The following LAMA2 variants were observed in gnomAD, a reference collection of about 807,000 sequenced individuals.
LAMA2 encodes laminin subunit alpha-2.
Under a neutral mutation model 364.8 loss-of-function variants are expected in LAMA2, and 269 were observed. The observed-to-expected ratio is 0.74, with a 90% CI of 0.67 to 0.82. The LOEUF (loss-of-function observed/expected upper bound fraction) is 0.82. LAMA2 is among the 40% of genes least tolerant of loss of function. The probability of loss-of-function intolerance (pLI) is 0.00; values close to 1 mark genes in which losing one functional copy is unlikely to be tolerated. For missense variants in LAMA2, 3,807 were observed against 3,873.2 expected (o/e 0.98, Z 0.45); for synonymous variants, 1,379 against 1,370.6 (o/e 1.01, Z -0.14).
At chr6:129,339,743 G>A (rs985260605) in intron 29 of LAMA2, among the ~76,000 whole-genome samples, 5 of 152,154 alleles carry the variant, frequency 3.3e-5, no homozygotes, top group East Asian at 1.9e-4. Context: ...GGCAGCTCCC[G>A]CCTGTAATCC....
rs546381872 is a variant in LAMA2 at position 128,957,747 on chromosome 6, T to G, written c.112+74390T>G. On this transcript the variant is annotated intron_variant, in intron 1 of 64. Transcript: ENST00000421865. Reference sequence around the variant, plus strand: ...AGTTGTCTCGAAGAGCAGTTTACACTCAGTAGTGACCAGGTCCTTGAGAGC... The same window carrying G: ...AGTTGTCTCGAAGAGCAGTTTACACGCAGTAGTGACCAGGTCCTTGAGAGC... Among the ~76,000 whole-genome samples, 353 of 152,040 alleles carry G rather than the reference T, an allele frequency of 2.3e-3. 1 individual carries two copies. The highest frequency in any genetic ancestry group is 8.1e-3 in the African/African-American group (338 of 41,504).
Position 129,342,423 on chromosome 6 carries a change from T to C in LAMA2, c.4392T>C (p.Asn1464=). 1 of 1,613,576 alleles carries C rather than the reference T, an allele frequency of 6.2e-7. No individual in the cohort carries two copies. Among genetic ancestry groups the C allele is most frequent in the South Asian group, 1.1e-5 (1 of 91,078 alleles). Residue 1464 remains asparagine, a synonymous_variant, in exon 30 of 65, where the codon AAT becomes AAC. Coordinates refer to ENST00000421865, the MANE Select transcript of LAMA2 (RefSeq NM_000426.4). ...GYYGIVKGLP[N]DCQQCACPLI... is the part of the protein sequence containing the mutation. ...ATGGAATTGTCAAGGGATTGCCAAA[T>C]GACTGTCAGCAATGTGCCTGCCCTC...
At chr6:129,007,965 A>C (rs1454517286) in intron 1 of LAMA2, among the ~76,000 whole-genome samples, 1 of 152,206 alleles carries the variant, frequency 6.6e-6, no homozygotes, top group East Asian at 1.9e-4. Context: ...ACACTGACAC[A>C]AATTGTCAGA....
intron 12 of LAMA2, among the ~76,000 whole-genome samples, chr6:129,238,912 T>C (rs1452985888): frequency 6.6e-6 from 1 of 152,150 alleles, no homozygotes; most frequent in Non-Finnish European, 1.5e-5. Context: ...TTTTGTATTA[T>C]CTGTAGCTTG....
chr6:129,367,167 G>A (rs1373905274), intron 33 of LAMA2, among the ~76,000 whole-genome samples: 1 of 152,136 alleles, frequency 6.6e-6, no homozygotes, highest in Non-Finnish European at 1.5e-5. Flanking sequence ...TAAAGCTTTT[G>A]GTAGTTAACG....
At chr6:129,410,156 GA>G (rs1780457666) in intron 40 of LAMA2, among the ~76,000 whole-genome samples, 1 of 152,046 alleles carries the variant, frequency 6.6e-6, no homozygotes, top group Admixed American at 6.5e-5. Context: ...CCATAGTTCA[GA>G]TTCTTCAAGA....
intron 44 of LAMA2, 76 bp downstream of exon 44, chr6:129,443,144 C>A: frequency 9.1e-7 from 1 of 1,100,292 alleles, no homozygotes; most frequent in Non-Finnish European, 1.4e-6. Context: ...TTCAGCTTTG[C>A]ATGTACTATA....
intron 40 of LAMA2, among the ~76,000 whole-genome samples, chr6:129,408,961 CAG>C (rs1166394017): frequency 2.6e-5 from 4 of 152,216 alleles, no homozygotes; most frequent in Non-Finnish European, 5.9e-5. Flanking sequence ...TTTGACCACT[CAG>C]AGAGGTCCAT....
At chr6:129,497,960 A>C (rs1027354733) in intron 58 of LAMA2, among the ~76,000 whole-genome samples, 4 of 152,172 alleles carry the variant, frequency 2.6e-5, no homozygotes, top group African/African-American at 7.2e-5. Context: ...CTATTTGTGG[A>C]TATTTTTCAT....
intron 3 of LAMA2, among the ~76,000 whole-genome samples, chr6:129,072,025 T>C (rs1237391325): frequency 2.0e-5 from 3 of 152,142 alleles, no homozygotes; most frequent in Non-Finnish European, 4.4e-5. Flanking sequence ...TGTGTGCCTG[T>C]AGTCCCAGCT....
chr6:128,893,398 T>G (rs1460255785), intron 1 of LAMA2, among the ~76,000 whole-genome samples: 1 of 151,840 alleles, frequency 6.6e-6, no homozygotes, highest in Non-Finnish European at 1.5e-5. Flanking sequence ...TAATTAATAA[T>G]GTTATGTATT....
chr6:129,253,705 A>G (rs1009691651), intron 14 of LAMA2, among the ~76,000 whole-genome samples: 2 of 152,218 alleles, frequency 1.3e-5, no homozygotes. Flanking sequence ...GGGGGCTTAT[A>G]TATTTTTGTC....
intron 22 of LAMA2, among the ~76,000 whole-genome samples, chr6:129,303,464 T>C (rs915623143): frequency 1.3e-5 from 2 of 152,164 alleles, no homozygotes; most frequent in African/African-American, 4.8e-5. Flanking sequence ...CTAGAAGTGG[T>C]GGAAGCAAAT....
At chr6:129,309,902 A>ATTTTTTTTTTTT (rs993652081) in intron 22 of LAMA2, among the ~76,000 whole-genome samples, 11,384 of 133,530 alleles carry the variant, frequency 0.085, 783 homozygotes, top group East Asian at 0.2. Context: ...CCTGATAATC[A>ATTTTTTTTTTTT]TTTTTTTTTT....
At chr6:128,966,593 T>C (rs147613516) in intron 1 of LAMA2, among the ~76,000 whole-genome samples, 1 of 151,962 alleles carries the variant, frequency 6.6e-6, no homozygotes, top group Admixed American at 6.6e-5. Flanking sequence ...AAAGACATTG[T>C]ATATAAAGGC....
intron 33 of LAMA2, among the ~76,000 whole-genome samples, chr6:129,368,564 A>G (rs769524940): frequency 4.6e-5 from 7 of 152,206 alleles, no homozygotes; most frequent in Non-Finnish European, 8.8e-5. Flanking sequence ...TAGAAAAGCA[A>G]ACATTTTAGT....
chr6:128,977,887 T>C (rs1782630138), intron 1 of LAMA2, among the ~76,000 whole-genome samples: 1 of 152,220 alleles, frequency 6.6e-6, no homozygotes, highest in African/African-American at 2.4e-5. Flanking sequence ...ATTCTCTCCC[T>C]AGGTTGGAGC....
At chr6:129,363,779 C>T (rs1284163299) in intron 32 of LAMA2, among the ~76,000 whole-genome samples, 2 of 152,122 alleles carry the variant, frequency 1.3e-5, no homozygotes, top group African/African-American at 2.4e-5. Context: ...GTTCTGAGGC[C>T]CACTAAAGCT....
chr6:129,318,097 G>A (rs1374750497), intron 27 of LAMA2, among the ~76,000 whole-genome samples: 1 of 152,072 alleles, frequency 6.6e-6, no homozygotes, highest in African/African-American at 2.4e-5. Context: ...ATTTTGTAAG[G>A]CAGTGGAATT....
Sources: allele counts gnomAD v4.1 joint callset (sites outside exome capture counted in the v4.1 genomes callset), GRCh38; gene constraint gnomAD v4.1.1; transcripts MANE v1.5; gene names NCBI Gene and HGNC (gene_info 2026-07-23, HGNC 2026-07-21).